Variants in PEX14 observed in about 807,000 individuals in gnomAD.
The protein encoded by PEX14 is peroxisomal membrane protein PEX14.
PEX14 carries 15 observed loss-of-function variants against 49.5 expected under a neutral mutation model. The observed-to-expected ratio is 0.30, with a 90% CI of 0.20 to 0.47. The LOEUF (loss-of-function observed/expected upper bound fraction) is 0.47. Among genes scored for constraint, PEX14 ranks in the 20% least tolerant of loss-of-function variants. The probability of loss-of-function intolerance (pLI) is 1.00; values close to 1 mark genes in which losing one functional copy is unlikely to be tolerated. For missense variants in PEX14, 398 were observed against 494.8 expected, an observed-to-expected ratio of 0.80 and a Z score of 1.86; for synonymous variants, 210 against 212.7, an observed-to-expected ratio of 0.99 and a Z score of 0.11.
chr1:10,621,775 G>T (rs193177404), intron 5 of PEX14, among the ~76,000 whole-genome samples: 1 of 152,144 alleles, frequency 6.6e-6, no homozygotes, highest in African/African-American at 2.4e-5. Flanking sequence ...TAGAAAATGC[G>T]TCTATACATG....
Position 10,623,630 on chromosome 1 carries a change from C to G in PEX14, c.487+509C>G, listed in dbSNP as rs1384564129. Among the ~76,000 whole-genome samples, 1 of 152,208 alleles carries G rather than the reference C, an allele frequency of 6.6e-6. No homozygotes were observed. The highest frequency in any genetic ancestry group is 1.5e-5 in the Non-Finnish European group (1 of 68,038). On this transcript the variant is annotated intron_variant, in intron 6 of 8. Transcript: ENST00000356607. The surrounding 1 kb of genome is among the most constrained non-coding windows in gnomAD (Gnocchi z 4.4). The stretch of plus-strand genomic sequence containing the variant: ...GGACCTGTCGCGCCAGAGGTGGCTT[C>G]TCTTCTTTATAAACTTGTTTACTAG...
At chr1:10,541,503 G>C (rs1165576196) in intron 3 of PEX14, among the ~76,000 whole-genome samples, 1 of 152,220 alleles carries the variant, frequency 6.6e-6, no homozygotes, top group Non-Finnish European at 1.5e-5. Context: ...TGGGGGCGGG[G>C]CCGTGCCCTG....
At chr1:10,505,870 A>G (rs534515082) in intron 2 of PEX14, among the ~76,000 whole-genome samples, 4 of 152,160 alleles carry the variant, frequency 2.6e-5, no homozygotes, top group African/African-American at 9.6e-5. Context: ...TAGTAAAGAC[A>G]GGGTTTTGCC....
chr1:10,618,862 T>C (rs889763947), intron 5 of PEX14, among the ~76,000 whole-genome samples: 2 of 152,174 alleles, frequency 1.3e-5, no homozygotes, highest in East Asian at 3.9e-4. Flanking sequence ...GTCTGTAAAA[T>C]GGGAATAACA....
intron 3 of PEX14, among the ~76,000 whole-genome samples, chr1:10,598,991 A>G (rs928231006): frequency 6.6e-6 from 1 of 152,140 alleles, no homozygotes; most frequent in Admixed American, 6.5e-5. Context: ...AAAAGCAGCA[A>G]TAAACTCAAG....
intron 7 of PEX14, among the ~76,000 whole-genome samples, chr1:10,625,823 G>T (rs1297078450): frequency 6.6e-6 from 1 of 152,224 alleles, no homozygotes; most frequent in Non-Finnish European, 1.5e-5. Context: ...AAGCAGTGGG[G>T]GCCCGGGATG....
chr1:10,478,771 A>G (rs1416466245), intron 1 of PEX14, among the ~76,000 whole-genome samples: 1 of 149,388 alleles, frequency 6.7e-6, no homozygotes, highest in Non-Finnish European at 1.5e-5. Flanking sequence ...TTTGAGACAG[A>G]GTCTCGCTCT....
intron 3 of PEX14, among the ~76,000 whole-genome samples, chr1:10,541,575 C>G (rs551968766): frequency 6.6e-6 from 1 of 152,344 alleles, no homozygotes; most frequent in Admixed American, 6.5e-5. Context: ...GCGCTTGTTC[C>G]TGAGGATGAT....
chr1:10,514,352 GGTC>G lies in PEX14; in HGVS notation c.84+19035_84+19037del, dbSNP rs1228778915. 3.3e-5 allele frequency among the ~76,000 whole-genome samples: 5 copies of G among 152,152 alleles called. No homozygotes were observed. The highest frequency in any genetic ancestry group is 7.3e-5 in the Non-Finnish European group (5 of 68,032). The stretch of plus-strand genomic sequence containing the variant: ...TGTGCGAGCGCCTGTGTACGCACGT[GGTC>G]GTCACCCGCCAGAAAGATGCCATAG... On this transcript the variant is annotated intron_variant, in intron 2 of 8. Coordinates refer to ENST00000356607, the MANE Select transcript of PEX14 (RefSeq NM_004565.3). The surrounding 1 kb of genome is among the most constrained non-coding windows in gnomAD (Gnocchi z 4.4).
At chr1:10,583,231 T>G (rs887325002) in intron 3 of PEX14, among the ~76,000 whole-genome samples, 2 of 151,774 alleles carry the variant, frequency 1.3e-5, no homozygotes, top group Non-Finnish European at 2.9e-5. Context: ...ACACTTTTTT[T>G]TTTTTTGAGA....
At chr1:10,601,262 C>CAAAAAAAAAAAAAAAAAAAAAAAA (rs58910333) in intron 4 of PEX14, among the ~76,000 whole-genome samples, 1 of 57,032 alleles carries the variant, frequency 1.8e-5, no homozygotes, top group African/African-American at 6.0e-5. Flanking sequence ...GACTCTGTCT[C>CAAAAAAAAAAAAAAAAAAAAAAAA]AAAAAAAAAA....
intron 3 of PEX14, among the ~76,000 whole-genome samples, chr1:10,563,141 C>T (rs1327086028): frequency 6.8e-6 from 1 of 147,912 alleles, no homozygotes; most frequent in Non-Finnish European, 1.5e-5. Context: ...TGGTCTCGAA[C>T]TCCTGACCTT....
Position 10,512,916 on chromosome 1 carries a change from C to T in PEX14, c.84+17595C>T, listed in dbSNP as rs1203741608. ...GTTTCATCGTGTTAGCTGGGATGGT[C>T]TGGATCTCGTGACCTCGTGATCCAC... On this transcript the variant is annotated intron_variant, in intron 2 of 8. Transcript: ENST00000356607. The surrounding 1 kb of genome is among the most constrained non-coding windows in gnomAD (Gnocchi z 4.6). 6.6e-6 allele frequency among the ~76,000 whole-genome samples: 1 copy of T among 152,164 alleles called. No individual in the cohort carries two copies. Among genetic ancestry groups the T allele is most frequent in the Non-Finnish European group, 1.5e-5 (1 of 68,012 alleles).
At chr1:10,559,065 G>C (rs1639575642) in intron 3 of PEX14, among the ~76,000 whole-genome samples, 1 of 151,940 alleles carries the variant, frequency 6.6e-6, no homozygotes, top group African/African-American at 2.4e-5. Context: ...TGTTTTTGTT[G>C]GTTCTCTTAG....
At chr1:10,516,194 A>G (rs1436282497) in intron 2 of PEX14, among the ~76,000 whole-genome samples, 7 of 152,216 alleles carry the variant, frequency 4.6e-5, no homozygotes, top group Non-Finnish European at 7.3e-5. Context: ...AGCCAGGCCT[A>G]TGTGTCTTAA....
chr1:10,623,415 T>A lies in PEX14; in HGVS notation c.487+294T>A, dbSNP rs989085563. On this transcript the variant is annotated intron_variant, in intron 6 of 8. Coordinates refer to ENST00000356607, the MANE Select transcript of PEX14 (RefSeq NM_004565.3). The surrounding 1 kb of genome is among the most constrained non-coding windows in gnomAD (Gnocchi z 4.4). ...TTCTAAGGGCTGTAAAGTTCATTTTTAATTTCTGCTTCTATGAGGTTTTCA... is the reference window on the plus strand; with the variant it reads ...TTCTAAGGGCTGTAAAGTTCATTTTAAATTTCTGCTTCTATGAGGTTTTCA... 1 of 382,592 alleles carries A rather than the reference T, an allele frequency of 2.6e-6. No homozygotes were observed. Among genetic ancestry groups the A allele is most frequent in the Admixed American group, 3.7e-5 (1 of 27,230 alleles). The allele number at this position is 382,592 out of a possible 1,614,324, so 23.7% of individuals were successfully genotyped here.
intron 3 of PEX14, among the ~76,000 whole-genome samples, chr1:10,552,455 G>A (rs1218268671): frequency 6.6e-6 from 1 of 152,072 alleles, no homozygotes; most frequent in Non-Finnish European, 1.5e-5. Context: ...AAAAAAATCT[G>A]CTTTTTAGAT....
chr1:10,538,994 T>A (rs1638919884), intron 3 of PEX14, among the ~76,000 whole-genome samples: 1 of 152,160 alleles, frequency 6.6e-6, no homozygotes. Flanking sequence ...AAAAGGCAAA[T>A]CCAATTTTGT....
intron 4 of PEX14, among the ~76,000 whole-genome samples, chr1:10,603,047 C>A (rs980451630): frequency 6.6e-6 from 1 of 152,230 alleles, no homozygotes; most frequent in South Asian, 2.1e-4. Flanking sequence ...CACCTTTGAA[C>A]CTGCTGGCCC....
Sources: gnomAD v4.1 joint callset for allele counts (sites outside exome capture counted in the v4.1 genomes callset) on GRCh38, gnomAD v4.1.1 for gene constraint, Gnocchi (gnomAD v3.1) non-coding constraint, MANE v1.5 for transcripts, NCBI Gene and HGNC (gene_info 2026-07-23, HGNC 2026-07-21) for gene names.